CFHR5: variants seen among roughly 807,000 people sequenced by gnomAD.
CFHR5 encodes the protein complement factor H related 5.
In CFHR5, 73 loss-of-function variants were observed where a neutral mutation model predicts 62.9. The ratio of observed to expected loss-of-function variants is 1.16; its 90% CI spans 0.96 to 1.41. The LOEUF (loss-of-function observed/expected upper bound fraction) is 1.41. CFHR5 is among the 40% of genes most tolerant of loss of function. The pLI is 0.00. For missense variants in CFHR5, 779 were observed against 679.9 expected, an observed-to-expected ratio of 1.15 and a Z score of -1.62; for synonymous variants, 249 against 227.2, an observed-to-expected ratio of 1.10 and a Z score of -0.86.
At position 197,002,536 on chromosome 1, in the gene CFHR5, T is replaced by C. The variant is rs201714199; in HGVS notation, c.1202T>C (p.Met401Thr). 211 of 1,613,586 alleles carry C rather than the reference T, an allele frequency of 1.3e-4. No individual in the cohort carries two copies. The highest frequency in any genetic ancestry group is 1.7e-4 in the Non-Finnish European group (201 of 1,179,774). The change falls in exon 8 of 10, where the codon ATG becomes ACG. Residue 401 changes from methionine to threonine, a missense_variant. Transcript: ENST00000256785. ...PPPQIPNAQN[M>T]TTTVNYQDGE... ...CCTCAGATACCTAATGCTCAGAATA[T>C]GACAACCACAGTGAATTATCAGGAT...
chr1:196,985,163 AT>A (rs1653649875), intron 3 of CFHR5, among the ~76,000 whole-genome samples: 1 of 152,148 alleles, frequency 6.6e-6, no homozygotes, highest in African/African-American at 2.4e-5. Context: ...AAAAGATGTT[AT>A]GTTATCAAAT....
At position 196,995,860 on chromosome 1, in the gene CFHR5, T is replaced by C. The variant is rs755233985; in HGVS notation, c.751T>C (p.Cys251Arg). The change falls in exon 5 of 10, where the codon TGT becomes CGT. Residue 251 changes from cysteine (C) to arginine (R), a missense_variant. Coordinates refer to ENST00000256785, the MANE Select transcript of CFHR5 (RefSeq NM_030787.4). ...AATAAACGGGCCTAAGAAAATACAA[T>C]GTGTGGATGGAGAATGGACAACTTT... ...FIINGPKKIQ[C>R]VDGEWTTLPT... 8 of 1,613,350 alleles carry C rather than the reference T, an allele frequency of 5.0e-6. No individual in the cohort carries two copies. The Admixed American group carries it at 1.0e-4, about 20-fold the overall frequency.
At chr1:196,982,811 G>C (rs1342910821) in intron 1 of CFHR5, 74 bp from the exon 2 acceptor site, 1 of 1,383,214 alleles carries the variant, frequency 7.2e-7, no homozygotes, top group Non-Finnish European at 1.0e-6. Context: ...TAAATGAGAT[G>C]ACTAAAATAT....
At chr1:197,003,481 AT>A (rs540694310) in intron 8 of CFHR5, among the ~76,000 whole-genome samples, 28 of 152,306 alleles carry the variant, frequency 1.8e-4, no homozygotes, top group African/African-American at 6.7e-4. Context: ...ATTTCTCAGA[AT>A]ATCTTCTTGT....
intron 2 of CFHR5, among the ~76,000 whole-genome samples, chr1:196,983,591 A>G (rs1451459131): frequency 6.6e-6 from 1 of 152,188 alleles, no homozygotes; most frequent in Non-Finnish European, 1.5e-5. Context: ...AAAAAGAAAA[A>G]CAATGGGAGA....
chr1:196,979,587 C>T (rs565915159), intron 1 of CFHR5, among the ~76,000 whole-genome samples: 9 of 152,120 alleles, frequency 5.9e-5, no homozygotes, highest in African/African-American at 1.7e-4. Flanking sequence ...GGGCTCTTAC[C>T]GTCAATAGGG....
At chr1:197,003,710 G>A (rs780298573) in intron 8 of CFHR5, among the ~76,000 whole-genome samples, 5 of 152,252 alleles carry the variant, frequency 3.3e-5, no homozygotes, top group Non-Finnish European at 5.9e-5. Context: ...GGGTGATAAA[G>A]TAAGATCATG....
intron 9 of CFHR5, among the ~76,000 whole-genome samples, chr1:197,007,747 A>G (rs1654327091): frequency 1.4e-5 from 2 of 147,498 alleles, no homozygotes; most frequent in East Asian, 3.9e-4. Context: ...CAATATATGT[A>G]TACATATAAT....
rs143672500 is a variant in CFHR5, at chr1:196,990,218, G to T, written c.431-3862G>T. On this transcript the variant is annotated intron_variant, in intron 3 of 9. Coordinates refer to ENST00000256785, the MANE Select transcript of CFHR5 (RefSeq NM_030787.4). ...CTGCTTTTTTTTTTCCTTTCCATTTGCTTGGTAGATATTCCTCCATCCCTT... is the reference window on the plus strand; with the variant it reads ...CTGCTTTTTTTTTTCCTTTCCATTTTCTTGGTAGATATTCCTCCATCCCTT... Among the ~76,000 whole-genome samples, 401 of 149,432 alleles carry T rather than the reference G, an allele frequency of 2.7e-3. 3 individuals carry two copies. The highest frequency in any genetic ancestry group is 0.01 in the Middle Eastern group (3 of 294).
chr1:196,993,982 C>T lies in CFHR5; in HGVS notation c.431-98C>T. The T allele has an allele frequency of 2.3e-6, 2 of 883,994 alleles. 1 individual carries two copies. Among genetic ancestry groups the T allele is most frequent in the Non-Finnish European group, 3.7e-6 (2 of 540,716 alleles). 54.8% of individuals were successfully genotyped at this position (883,994 alleles called of 1,614,324 possible). On this transcript the variant is annotated intron_variant, in intron 3 of 9. Coordinates refer to ENST00000256785, the MANE Select transcript of CFHR5 (RefSeq NM_030787.4). ...CGAAGGCAAGAATATATTTTATACT[C>T]TGTATATGAAGCCCCTTGCATCTTA...
chr1:197,004,770 C>T lies in CFHR5; in HGVS notation c.1440C>T (p.Ser480=). The change falls in exon 9 of 10, where the codon TCC becomes TCT. Residue 480 remains serine, a synonymous_variant. Coordinates refer to ENST00000256785, the MANE Select transcript of CFHR5 (RefSeq NM_030787.4). ...PGSTVTYRCQ[S]FYKLQGSVTV... The stretch of plus-strand genomic sequence containing the variant: ...CAACAGTGACGTACCGTTGCCAGTC[C>T]TTCTATAAACTCCAGGGCTCTGTAA... 1 of 1,613,590 alleles carries T rather than the reference C, an allele frequency of 6.2e-7. No individual in the cohort carries two copies. The highest frequency in any genetic ancestry group is 8.5e-7 in the Non-Finnish European group (1 of 1,179,678).
intron 3 of CFHR5, among the ~76,000 whole-genome samples, chr1:196,990,477 A>G (rs148586522): frequency 0.013 from 2,026 of 152,186 alleles, 43 homozygotes; most frequent in African/African-American, 0.045. Context: ...GATGGTCTTT[A>G]CAATTTGGCA....
chr1:196,999,110 TA>T (rs1654066261), intron 7 of CFHR5, among the ~76,000 whole-genome samples: 2 of 151,828 alleles, frequency 1.3e-5, no homozygotes, highest in African/African-American at 4.8e-5. Flanking sequence ...TCATATAAAA[TA>T]CACATTAATG....
intron 8 of CFHR5, among the ~76,000 whole-genome samples, chr1:197,004,223 A>G (rs1654227903): frequency 6.6e-6 from 1 of 152,194 alleles, no homozygotes; most frequent in South Asian, 2.1e-4. Flanking sequence ...TGGTATCAAA[A>G]AAGTAAATGC....
intron 8 of CFHR5, 52 bp downstream of exon 8, chr1:197,002,716 C>G: frequency 7.0e-7 from 1 of 1,434,576 alleles, no homozygotes; most frequent in Admixed American, 1.7e-5. Flanking sequence ...TATTAATCCC[C>G]TTTGCTTTAT....
intron 3 of CFHR5, among the ~76,000 whole-genome samples, chr1:196,986,237 T>C (rs1049774431): frequency 2.0e-5 from 3 of 152,138 alleles, no homozygotes; most frequent in African/African-American, 4.8e-5. Flanking sequence ...TTGCAAGTTA[T>C]GGTAATCCAT....
intron 3 of CFHR5, among the ~76,000 whole-genome samples, chr1:196,991,744 C>T (rs1253014504): frequency 1.3e-5 from 2 of 152,126 alleles, no homozygotes; most frequent in African/African-American, 4.8e-5. Flanking sequence ...GCTGCCTGCT[C>T]CTTCCTCTGG....
intron 8 of CFHR5, among the ~76,000 whole-genome samples, chr1:197,003,782 A>G (rs1654210736): frequency 6.6e-6 from 1 of 152,168 alleles, no homozygotes; most frequent in African/African-American, 2.4e-5. Flanking sequence ...GTTACCGGAT[A>G]GAAGATATGG....
At position 196,988,583 on chromosome 1, in the gene CFHR5, C is replaced by T. The variant is rs570030985; in HGVS notation, c.430+4446C>T. ...TACTGAGAGTTTTTAGCATGAAGCG[C>T]TGTTGAATTTTGTCAAAGGCCTTTT... is the stretch of plus-strand genomic sequence containing the variant. On this transcript the variant is annotated intron_variant, in intron 3 of 9. Coordinates refer to ENST00000256785, the MANE Select transcript of CFHR5 (RefSeq NM_030787.4). Among the ~76,000 whole-genome samples, 33 of 152,144 alleles carry T rather than the reference C, an allele frequency of 2.2e-4. No homozygotes were observed. The South Asian group carries it at 2.5e-3, about 11-fold the overall frequency.
Sources: allele counts gnomAD v4.1 joint callset (sites outside exome capture counted in the v4.1 genomes callset), GRCh38; gene constraint gnomAD v4.1.1; transcripts MANE v1.5; gene names NCBI Gene and HGNC (gene_info 2026-07-23, HGNC 2026-07-21).